P2RX1: variants seen among roughly 807,000 people sequenced by gnomAD.
P2RX1 encodes purinergic receptor P2X 1, also known as P2X purinoceptor 1.
A neutral mutation model predicts 50.3 loss-of-function variants in P2RX1; 42 were observed. The ratio of observed to expected loss-of-function variants is 0.83; its 90% CI spans 0.65 to 1.08. P2RX1 has a LOEUF of 1.08. P2RX1 is among the 50% of genes least tolerant of loss of function. The pLI is 0.00. For missense variants in P2RX1, 449 were observed against 529.0 expected, an observed-to-expected ratio of 0.85 and a Z score of 1.48; for synonymous variants, 199 against 202.6, an observed-to-expected ratio of 0.98 and a Z score of 0.15.
At chr17:3,908,079 AG>A in intron 1 of P2RX1, among the ~76,000 whole-genome samples, 1 of 152,312 alleles carries the variant, frequency 6.6e-6, no homozygotes, top group Non-Finnish European at 1.5e-5. Context: ...CACCCAGCCC[AG>A]GACTCAGCCC....
At chr17:3,913,132 CTT>C (rs555976939) in intron 1 of P2RX1, among the ~76,000 whole-genome samples, 16 of 134,956 alleles carry the variant, frequency 1.2e-4, no homozygotes, top group Non-Finnish European at 1.3e-4. Flanking sequence ...CTGAGACCAT[CTT>C]TTTTTTTTTT....
At chr17:3,904,432 C>T in intron 3 of P2RX1, 33 bp from the exon 4 acceptor site, 1 of 1,598,556 alleles carries the variant, frequency 6.3e-7, no homozygotes, top group Non-Finnish European at 8.6e-7. Flanking sequence ...GTCCCAGGCC[C>T]CTTGGGTGGG....
chr17:3,898,410 C>G (rs2056073052), intron 10 of P2RX1, 74 bp downstream of exon 10: 4 of 1,184,950 alleles, frequency 3.4e-6, no homozygotes, highest in Non-Finnish European at 5.0e-6. Flanking sequence ...GGGTGAGGGA[C>G]GTCTTGCTGC....
At chr17:3,915,857 C>G in intron 1 of P2RX1, 1 of 669,602 alleles carries the variant, frequency 1.5e-6, no homozygotes, top group Admixed American at 2.1e-5. Flanking sequence ...AACCCAGAGA[C>G]TCTGCCTCCT....
chr17:3,904,955 T>TGGGGGGGGGGGG, intron 2 of P2RX1, 26 bp from the exon 3 acceptor site: 1 of 152,490 alleles, frequency 6.6e-6, no homozygotes, highest in Admixed American at 1.0e-4. Flanking sequence ...AGGGGGAGGG[T>TGGGGGGGGGGGG]GGGGTGGGCT....
At position 3,903,075 on chromosome 17, in the gene P2RX1, G is replaced by T; in HGVS notation, c.747+127C>A. 7.4e-7 allele frequency: 1 copy of T among 1,344,506 alleles called. No individual in the cohort carries two copies. Among genetic ancestry groups the T allele is most frequent in the Non-Finnish European group, 1.0e-6 (1 of 968,208 alleles). The allele number at this position is 1,344,506 out of a possible 1,614,324, so 83.3% of individuals were successfully genotyped here. A position where few individuals can be genotyped will look rare whatever the true frequency, so the allele number is the denominator to read the frequency against. On this transcript the variant is annotated intron_variant, in intron 7 of 11. Coordinates refer to ENST00000225538, the MANE Select transcript of P2RX1 (RefSeq NM_002558.4). This position sits in a 1 kb window ranked among gnomAD's most constrained non-coding sequence, Gnocchi z 4.6. ...TGACGCTCAGGGGGCCCCAGTATCA[G>T]GGGACAGACCCATACATATACTCAG... is the stretch of plus-strand genomic sequence containing the variant.
At chr17:3,901,823 C>A (rs145941719) in intron 7 of P2RX1, among the ~76,000 whole-genome samples, 1 of 152,014 alleles carries the variant, frequency 6.6e-6, no homozygotes, top group Admixed American at 6.6e-5. Context: ...AGGCTTCCCA[C>A]GTGCCAGGCA....
chr17:3,912,787 C>T lies in P2RX1; in HGVS notation c.137+3302G>A, dbSNP rs377240791. On this transcript the variant is annotated intron_variant, in intron 1 of 11. Transcript: ENST00000225538. ...AGGCATGGAGAAGATGCTGCAGAAA[C>T]GGTCCCTGGATGTGTTTCTCCCCCC... 1.1e-4 allele frequency among the ~76,000 whole-genome samples: 17 copies of T among 152,346 alleles called. No homozygotes were observed. In the South Asian group the frequency reaches 2.1e-3, roughly 19 times the overall value.
intron 1 of P2RX1, among the ~76,000 whole-genome samples, chr17:3,913,183 G>A (rs1315504472): frequency 6.7e-6 from 1 of 150,112 alleles, no homozygotes; most frequent in East Asian, 2.0e-4. Context: ...TCAGGCTGGA[G>A]TGCAATGGGG....
At chr17:3,904,086 T>C in intron 4 of P2RX1, 62 bp from the exon 5 acceptor site, 1 of 1,353,652 alleles carries the variant, frequency 7.4e-7, no homozygotes, top group African/African-American at 1.4e-5. Flanking sequence ...CCCAGACCCC[T>C]TCTCCAGGAG....
chr17:3,904,271 C>A, intron 4 of P2RX1, 59 bp downstream of exon 4: 1 of 1,517,408 alleles, frequency 6.6e-7, no homozygotes, highest in Non-Finnish European at 9.1e-7. Context: ...GCTGGGCCTG[C>A]AGGACGTCAG....
rs920765345 is a variant in P2RX1 at position 3,905,342 on chromosome 17, A to T, written c.163T>A (p.Tyr55Asn). 2.0e-5 allele frequency: 32 copies of T among 1,613,730 alleles called. 1 individual carries two copies. In the Middle Eastern group the frequency reaches 6.6e-4, roughly 33 times the overall value. The stretch of plus-strand genomic sequence containing the variant: ...CTGATGAGGCCGCTCGAGGTCTGGT[A>T]GCCCTTCTCATAGAGAAACACCCAC... ...IGWVFLYEKG[Y>N]QTSSGLISSV... The change falls in exon 2 of 12, where the codon TAC becomes AAC. Residue 55 changes from tyrosine (Y) to asparagine (N), a missense_variant. Coordinates refer to ENST00000225538, the MANE Select transcript of P2RX1 (RefSeq NM_002558.4).
intron 2 of P2RX1, 113 bp from the exon 3 acceptor site, chr17:3,905,042 G>A: frequency 8.9e-7 from 1 of 1,123,414 alleles, no homozygotes; most frequent in Non-Finnish European, 1.3e-6. Flanking sequence ...ACACGCAGCA[G>A]CCACCACACC....
rs541381576 is a variant in P2RX1, at chr17:3,914,854, G to A, written c.137+1235C>T. Among the ~76,000 whole-genome samples the A allele has an allele frequency of 6.6e-6, 1 of 152,328 alleles. No individual in the cohort carries two copies. The highest frequency in any genetic ancestry group is 2.1e-4 in the South Asian group (1 of 4,820). ...CCTCACAAGCTCAGACATCACAGATGTCAAATTAGTTTCTGAACAAGAGAG... is the reference window on the plus strand; with the variant it reads ...CCTCACAAGCTCAGACATCACAGATATCAAATTAGTTTCTGAACAAGAGAG... On this transcript the variant is annotated intron_variant, in intron 1 of 11. Transcript: ENST00000225538. This position sits in a 1 kb window ranked among gnomAD's most constrained non-coding sequence, Gnocchi z 4.1.
intron 7 of P2RX1, among the ~76,000 whole-genome samples, chr17:3,902,484 C>T (rs2056167634): frequency 1.3e-5 from 2 of 151,554 alleles, no homozygotes; most frequent in Admixed American, 6.6e-5. Flanking sequence ...TTAGTAGACA[C>T]GGGGTTTCAC....
chr17:3,911,063 G>C (rs1003675748), intron 1 of P2RX1, among the ~76,000 whole-genome samples: 1 of 152,036 alleles, frequency 6.6e-6, no homozygotes, highest in African/African-American at 2.4e-5. Flanking sequence ...GCTCACTGCA[G>C]CCTCAACTTT....
At chr17:3,899,512 G>A in intron 8 of P2RX1, 122 bp downstream of exon 8, 1 of 1,342,792 alleles carries the variant, frequency 7.4e-7, no homozygotes. Flanking sequence ...CAGGCAGAAT[G>A]AGAGCTGCCC....
In P2RX1 at chr17:3,916,107, A is replaced by G; in HGVS notation, c.119T>C (p.Val40Ala). 1 of 1,613,554 alleles carries G rather than the reference A, an allele frequency of 6.2e-7. No homozygotes were observed. The highest frequency in any genetic ancestry group is 1.1e-5 in the South Asian group (1 of 91,086). The stretch of plus-strand genomic sequence containing the variant: ...GACTCACCCGATGACGTAGACCAGG[A>G]CCACCAGCTGGATCAGTCGGAAGAT... ...GVIFRLIQLV[V>A]LVYVIGWVFL... Residue 40 changes from valine (V) to alanine (A), a missense_variant, in exon 1 of 12, where the codon GTC becomes GCC. Physicochemically the swap from Val to Ala is moderately conservative, Grantham distance 64. Coordinates refer to ENST00000225538, the MANE Select transcript of P2RX1 (RefSeq NM_002558.4).
At position 3,903,433 on chromosome 17, in the gene P2RX1, C is replaced by T. The variant is rs1294123204; in HGVS notation, c.606-90G>A. On this transcript the variant is annotated intron_variant, in intron 6 of 11. Coordinates refer to ENST00000225538, the MANE Select transcript of P2RX1 (RefSeq NM_002558.4). This position sits in a 1 kb window ranked among gnomAD's most constrained non-coding sequence, Gnocchi z 4.6. ...AAGCCTGGGGACCCCTCACAGGCTC[C>T]ACATTGCCCCTTTGATTCCTTCCAC... The T allele has an allele frequency of 4.4e-6, 7 of 1,588,408 alleles. No individual in the cohort carries two copies. In the Admixed American group the frequency reaches 5.1e-5, roughly 12 times the overall value.
Sources: allele counts gnomAD v4.1 joint callset (sites outside exome capture counted in the v4.1 genomes callset), GRCh38; gene constraint gnomAD v4.1.1; non-coding constraint Gnocchi (gnomAD v3.1); transcripts MANE v1.5; gene names NCBI Gene and HGNC (gene_info 2026-07-23, HGNC 2026-07-21).